NETO2: variants seen among roughly 807,000 people sequenced by gnomAD.
The protein encoded by NETO2 is neuropilin and tolloid-like protein 2.
A neutral mutation model predicts 62.5 loss-of-function variants in NETO2; 28 were observed. That is an observed-to-expected ratio of 0.45 (90% CI 0.33 to 0.61). NETO2 has a LOEUF of 0.61. Among genes scored for constraint, NETO2 ranks in the 20% least tolerant of loss-of-function variants. The probability of loss-of-function intolerance (pLI) is 0.02; values close to 1 mark genes in which losing one functional copy is unlikely to be tolerated. For synonymous variants in NETO2, 214 were observed against 219.1 expected, an observed-to-expected ratio of 0.98 and a Z score of 0.21; for missense variants, 548 against 643.2, an observed-to-expected ratio of 0.85 and a Z score of 1.60.
In NETO2 at chr16:47,128,286, T is replaced by C. The variant is rs778304701; in HGVS notation, c.481+39A>G. ...TAAGATTCTAAAATCAGAGTTAGAG[T>C]GAGATGCCCAACCACTTAAAAGATA... On this transcript the variant is annotated intron_variant, in intron 4 of 8. Coordinates refer to ENST00000562435, the MANE Select transcript of NETO2 (RefSeq NM_018092.5). 4.6e-5 allele frequency: 73 copies of C among 1,586,256 alleles called. 1 individual carries two copies. The South Asian group carries it at 8.1e-4, about 18-fold the overall frequency.
At chr16:47,138,510 T>C (rs1260694051) in intron 1 of NETO2, among the ~76,000 whole-genome samples, 1 of 152,242 alleles carries the variant, frequency 6.6e-6, no homozygotes, top group Non-Finnish European at 1.5e-5. Context: ...TTTCTACTTA[T>C]ATCTAACTGG....
At chr16:47,086,114 A>G (rs1042200501) in intron 8 of NETO2, 112 bp downstream of exon 8, 1 of 740,842 alleles carries the variant, frequency 1.3e-6, no homozygotes, top group African/African-American at 1.7e-5. Context: ...TCAAACAAAC[A>G]AACAAAAAGC....
chr16:47,093,709 A>C (rs901310174), intron 7 of NETO2, among the ~76,000 whole-genome samples: 1 of 152,246 alleles, frequency 6.6e-6, no homozygotes, highest in African/African-American at 2.4e-5. Flanking sequence ...CAGCTATAAG[A>C]AAGCCTGTAT....
At position 47,082,374 on chromosome 16, in the gene NETO2, T is replaced by C. The variant is rs890200008; in HGVS notation, c.*847A>G. ...GCCTCTCCCAAAGTGAATGAAATGA[T>C]TCTTTACTGGAATGAATGGGCTGTC... On this transcript the variant is annotated 3_prime_UTR_variant, in exon 9 of 9. Coordinates refer to ENST00000562435, the MANE Select transcript of NETO2 (RefSeq NM_018092.5). 5 of 152,334 alleles carry C rather than the reference T, an allele frequency of 3.3e-5. No individual in the cohort carries two copies. The highest frequency in any genetic ancestry group is 2.9e-5 in the Non-Finnish European group (2 of 68,024). The allele number at this position is 152,334 out of a possible 1,614,324, so 9.4% of individuals were successfully genotyped here. A position where few individuals can be genotyped will look rare whatever the true frequency, so the allele number is the denominator to read the frequency against.
At chr16:47,140,132 G>C (rs1964433320) in intron 1 of NETO2, among the ~76,000 whole-genome samples, 1 of 152,132 alleles carries the variant, frequency 6.6e-6, no homozygotes, top group Non-Finnish European at 1.5e-5. Context: ...GTGACTGAGA[G>C]GGCAAGGCCT....
Position 47,081,544 on chromosome 16 carries a change from T to C in NETO2, c.*1677A>G, listed in dbSNP as rs1164941956. ...CAAGAAAGCACTCTGAGGCAGTATA[T>C]GTGTATTAAATTTAAGGTCACAATT... On this transcript the variant is annotated 3_prime_UTR_variant, in exon 9 of 9. Transcript: ENST00000562435. The C allele has an allele frequency of 1.3e-5, 2 of 152,598 alleles. No homozygotes were observed. Among genetic ancestry groups the C allele is most frequent in the Admixed American group, 6.5e-5 (1 of 15,272 alleles). The allele number at this position is 152,598 out of a possible 1,614,324, so 9.5% of individuals were successfully genotyped here.
At chr16:47,111,106 G>A (rs182522184) in intron 6 of NETO2, among the ~76,000 whole-genome samples, 135 of 152,230 alleles carry the variant, frequency 8.9e-4, no homozygotes, top group African/African-American at 2.9e-3. Context: ...CTCTGGTAGC[G>A]AGCTCTAATG....
chr16:47,125,295 CCTGT>C (rs1415983730), intron 4 of NETO2, among the ~76,000 whole-genome samples: 4 of 151,936 alleles, frequency 2.6e-5, no homozygotes, highest in African/African-American at 9.7e-5. Flanking sequence ...GGCAGGATAT[CCTGT>C]CTTTCTTTCT....
intron 7 of NETO2, among the ~76,000 whole-genome samples, chr16:47,107,474 AT>A (rs745693274): frequency 7.2e-5 from 11 of 152,322 alleles, no homozygotes; most frequent in African/African-American, 1.2e-4. Context: ...AGGGATATGG[AT>A]TAGCAATTGT....
intron 8 of NETO2, 89 bp downstream of exon 8, chr16:47,086,137 C>T (rs1301274945): frequency 9.9e-6 from 8 of 811,488 alleles, no homozygotes; most frequent in Non-Finnish European, 1.7e-5. Context: ...CTATGCTAAG[C>T]ACTGTTGTAG....
At chr16:47,113,110 A>G (rs1963836688) in intron 6 of NETO2, among the ~76,000 whole-genome samples, 1 of 152,204 alleles carries the variant, frequency 6.6e-6, no homozygotes, top group Non-Finnish European at 1.5e-5. Flanking sequence ...ATACATCTAG[A>G]AGTATACTTG....
chr16:47,109,876 T>G (rs1463046746), intron 6 of NETO2, among the ~76,000 whole-genome samples, 165 bp from the exon 7 acceptor site: 1 of 152,236 alleles, frequency 6.6e-6, no homozygotes, highest in Non-Finnish European at 1.5e-5. Flanking sequence ...AGATTAATGA[T>G]CTGTTTCTTT....
chr16:47,084,598 C>T (rs1963145083), intron 8 of NETO2, among the ~76,000 whole-genome samples: 1 of 152,166 alleles, frequency 6.6e-6, no homozygotes, highest in Non-Finnish European at 1.5e-5. Flanking sequence ...GAAATAAACT[C>T]CTGGCTTGGA....
At chr16:47,097,915 A>G (rs924851296) in intron 7 of NETO2, among the ~76,000 whole-genome samples, 7 of 152,242 alleles carry the variant, frequency 4.6e-5, no homozygotes, top group Admixed American at 2.6e-4. Context: ...AAACTCCAGC[A>G]GATCTGCCGC....
At chr16:47,118,639 TTTG>T (rs1238423894) in intron 6 of NETO2, among the ~76,000 whole-genome samples, 1 of 152,210 alleles carries the variant, frequency 6.6e-6, no homozygotes, top group Non-Finnish European at 1.5e-5. Flanking sequence ...GTCTAAAACA[TTTG>T]TTAAAATTTC....
intron 4 of NETO2, among the ~76,000 whole-genome samples, chr16:47,124,538 A>G (rs1964115064): frequency 6.6e-6 from 1 of 152,182 alleles, no homozygotes; most frequent in African/African-American, 2.4e-5. Flanking sequence ...ATAACATCAG[A>G]CAGACATATT....
chr16:47,081,318 A>G lies in NETO2; in HGVS notation c.*1903T>C, dbSNP rs543534358. Reference sequence around the variant, plus strand: ...TTACCTACTAAAATGCTTATTCAGCATAACTACTGAAAAAACTTAGCTGTC... The same window carrying G: ...TTACCTACTAAAATGCTTATTCAGCGTAACTACTGAAAAAACTTAGCTGTC... On this transcript the variant is annotated 3_prime_UTR_variant, in exon 9 of 9. Transcript: ENST00000562435. The G allele has an allele frequency of 5.9e-5, 9 of 152,286 alleles. No individual in the cohort carries two copies. In the East Asian group the frequency reaches 1.3e-3, roughly 23 times the overall value. 9.4% of individuals were successfully genotyped at this position (152,286 alleles called of 1,614,324 possible). A position where few individuals can be genotyped will look rare whatever the true frequency, so the allele number is the denominator to read the frequency against.
At chr16:47,130,177 T>G (rs1964236325) in intron 2 of NETO2, among the ~76,000 whole-genome samples, 1 of 152,180 alleles carries the variant, frequency 6.6e-6, no homozygotes, top group South Asian at 2.1e-4. Flanking sequence ...AGCCTTCGTT[T>G]CCTGCTTAAC....
chr16:47,120,628 A>G (rs910942801), intron 6 of NETO2, among the ~76,000 whole-genome samples: 8 of 152,358 alleles, frequency 5.3e-5, no homozygotes, highest in Non-Finnish European at 7.3e-5. Context: ...CCCATTAATC[A>G]TCCCCACATC....
Sources: gnomAD v4.1 joint callset for allele counts (sites outside exome capture counted in the v4.1 genomes callset) on GRCh38, gnomAD v4.1.1 for gene constraint, MANE v1.5 for transcripts, NCBI Gene and HGNC (gene_info 2026-07-23, HGNC 2026-07-21) for gene names.